Variants in PLEKHA7 observed in about 807,000 individuals in gnomAD.
The protein encoded by PLEKHA7 is pleckstrin homology domain containing A7, also known as pleckstrin homology domain-containing family A member 7.
A neutral mutation model predicts 170.0 loss-of-function variants in PLEKHA7; 104 were observed. That is an observed-to-expected ratio of 0.61 (90% CI 0.52 to 0.72). PLEKHA7 has a LOEUF of 0.72. Ranked by LOEUF, PLEKHA7 falls within the 30% of genes least tolerant of loss-of-function variation. The pLI is 0.00. For synonymous variants in PLEKHA7, 648 were observed against 660.8 expected (o/e 0.98, Z 0.30); for missense variants, 1,615 against 1,671.7 (o/e 0.97, Z 0.59).
chr11:16,838,192 C>A (rs1253679783), intron 9 of PLEKHA7, among the ~76,000 whole-genome samples: 1 of 152,156 alleles, frequency 6.6e-6, no homozygotes, highest in Non-Finnish European at 1.5e-5. Flanking sequence ...TAGATACAGG[C>A]AATTCCCTTA....
At chr11:16,787,250 A>G in intron 23 of PLEKHA7, 1 of 985,152 alleles carries the variant, frequency 1.0e-6, no homozygotes, top group South Asian at 4.7e-5. Context: ...GAGCAAAACC[A>G]AAGCAGATGC....
At position 16,794,496 on chromosome 11, in the gene PLEKHA7, G is replaced by C; in HGVS notation, c.2737C>G (p.Pro913Ala). The C allele has an allele frequency of 6.2e-7, 1 of 1,613,312 alleles. No homozygotes were observed. Among genetic ancestry groups the C allele is most frequent in the Non-Finnish European group, 8.5e-7 (1 of 1,179,576 alleles). Residue 913 changes from proline to alanine, a missense_variant, in exon 19 of 27, where the codon CCC becomes GCC. Transcript: ENST00000531066. Reference sequence around the variant, plus strand: ...TAGTTATCACTACTTACAACTTTGGGCTTCGCCTTAGTTGGTGACTGAAGG... The same window carrying C: ...TAGTTATCACTACTTACAACTTTGGCCTTCGCCTTAGTTGGTGACTGAAGG... Reference protein sequence around the residue: ...SPLQSPTKAKPKVEDEAPPRP... With the variant: ...SPLQSPTKAKAKVEDEAPPRP...
Position 16,922,984 on chromosome 11 carries a change from C to CA in PLEKHA7, c.222-51803dup, listed in dbSNP as rs1202172443. On this transcript the variant is annotated intron_variant, in intron 3 of 26. Transcript: ENST00000531066. ...GGGGAATTTCCAAGCTAGCCCTACT[C>CA]AGTCCTCTGACCTCACAATCCATAG... Among the ~76,000 whole-genome samples the CA allele has an allele frequency of 2.6e-5, 4 of 152,302 alleles. No individual in the cohort carries two copies. In the East Asian group the frequency reaches 7.7e-4, roughly 29 times the overall value.
At chr11:16,957,199 T>C (rs757309883) in intron 3 of PLEKHA7, among the ~76,000 whole-genome samples, 1 of 152,198 alleles carries the variant, frequency 6.6e-6, no homozygotes, top group Non-Finnish European at 1.5e-5. Context: ...CATGTTCTTG[T>C]TAATCTGAGA....
intron 3 of PLEKHA7, among the ~76,000 whole-genome samples, chr11:16,887,006 G>A (rs1438999860): frequency 1.3e-5 from 2 of 152,054 alleles, no homozygotes; most frequent in Non-Finnish European, 2.9e-5. Flanking sequence ...ACCTGTCTTA[G>A]GAGCTATAAC....
rs1847876469 is a variant in PLEKHA7, at chr11:16,791,801, A to G, written c.2746-602T>C. The G allele has an allele frequency of 4.9e-6, 2 of 406,584 alleles. No homozygotes were observed. Among genetic ancestry groups the G allele is most frequent in the Non-Finnish European group, 5.0e-6 (1 of 201,122 alleles). The allele number at this position is 406,584 out of a possible 1,614,324, so 25.2% of individuals were successfully genotyped here. On this transcript the variant is annotated intron_variant, in intron 19 of 26. Coordinates refer to ENST00000531066, the MANE Select transcript of PLEKHA7 (RefSeq NM_001329630.2). This position sits in a 1 kb window ranked among gnomAD's most constrained non-coding sequence, Gnocchi z 4.5. ...GGTCAGGATGAGTGACTCACTGCCT[A>G]CCATGCAGTTCATTCCCTAGAATGT...
At chr11:16,818,211 C>T (rs1849923071) in intron 10 of PLEKHA7, among the ~76,000 whole-genome samples, 1 of 152,196 alleles carries the variant, frequency 6.6e-6, no homozygotes, top group Non-Finnish European at 1.5e-5. Flanking sequence ...GCTTTGTGAC[C>T]CTAGGCAGCT....
At chr11:16,974,243 G>A (rs1315072609) in intron 3 of PLEKHA7, among the ~76,000 whole-genome samples, 1 of 150,656 alleles carries the variant, frequency 6.6e-6, no homozygotes, top group Non-Finnish European at 1.5e-5. Context: ...CTCCAGCCTG[G>A]GTGACAAAGG....
intron 23 of PLEKHA7, chr11:16,788,878 C>T (rs1590119978): frequency 1.6e-6 from 1 of 616,444 alleles, no homozygotes; most frequent in Non-Finnish European, 2.8e-6. Flanking sequence ...GCTCCTGGGC[C>T]TGTTTGATCC....
intron 3 of PLEKHA7, among the ~76,000 whole-genome samples, chr11:16,969,361 G>A (rs1862571608): frequency 6.6e-6 from 1 of 152,146 alleles, no homozygotes; most frequent in South Asian, 2.1e-4. Flanking sequence ...AGTTTAAGAG[G>A]AGAGAGAGAA....
Position 16,777,385 on chromosome 11 carries a change from A to AT in PLEKHA7, c.*1612dup. On this transcript the variant is annotated 3_prime_UTR_variant, in exon 27 of 27. Transcript: ENST00000531066. The stretch of plus-strand genomic sequence containing the variant: ...CTTTTTCTTGCAAAATATTCATTTC[A>AT]TTTTTTCCAAGAAAATCTTATAAAG... 1 of 152,222 alleles carries AT rather than the reference A, an allele frequency of 6.6e-6. No individual in the cohort carries two copies. Among genetic ancestry groups the AT allele is most frequent in the East Asian group, 1.9e-4 (1 of 5,188 alleles). The allele number at this position is 152,222 out of a possible 1,614,324, so 9.4% of individuals were successfully genotyped here. A position where few individuals can be genotyped will look rare whatever the true frequency, so the allele number is the denominator to read the frequency against.
chr11:16,873,543 C>T (rs987490960), intron 3 of PLEKHA7, among the ~76,000 whole-genome samples: 1 of 152,154 alleles, frequency 6.6e-6, no homozygotes, highest in Admixed American at 6.5e-5. Flanking sequence ...GACTAGTCTT[C>T]CCAAAAAAGC....
intron 17 of PLEKHA7, among the ~76,000 whole-genome samples, chr11:16,796,822 GTTTTTC>G (rs1255186559): frequency 2.6e-5 from 4 of 151,946 alleles, no homozygotes; most frequent in East Asian, 1.9e-4. Context: ...TGCCTGGCTA[GTTTTTC>G]TTTTTCTTTT....
chr11:16,902,150 C>T (rs937204035), intron 3 of PLEKHA7, among the ~76,000 whole-genome samples: 6 of 152,150 alleles, frequency 3.9e-5, no homozygotes, highest in African/African-American at 1.4e-4. Flanking sequence ...TTCATTGTTG[C>T]GTTCTTGTTG....
chr11:16,858,519 T>G (rs368054149), intron 4 of PLEKHA7, among the ~76,000 whole-genome samples: 1 of 150,440 alleles, frequency 6.6e-6, no homozygotes, highest in African/African-American at 2.4e-5. Flanking sequence ...TGAGACGGAG[T>G]TTCGCTCTTG....
chr11:16,797,580 ACT>A (rs1171506311), intron 17 of PLEKHA7, among the ~76,000 whole-genome samples: 1 of 151,962 alleles, frequency 6.6e-6, no homozygotes, highest in South Asian at 2.1e-4. Flanking sequence ...CACAGTTCTC[ACT>A]CTCTCTCTCA....
intron 3 of PLEKHA7, among the ~76,000 whole-genome samples, chr11:17,007,870 C>T (rs1010505290): frequency 6.6e-6 from 1 of 152,128 alleles, no homozygotes; most frequent in African/African-American, 2.4e-5. Flanking sequence ...CCACCACGCC[C>T]GGCCTAAAGA....
At chr11:16,782,334 C>G (rs1278923017) in intron 26 of PLEKHA7, among the ~76,000 whole-genome samples, 1 of 152,154 alleles carries the variant, frequency 6.6e-6, no homozygotes. Context: ...GCAGGAGGGG[C>G]CCCCTTCTGC....
At chr11:16,838,018 A>G (rs1023355711) in intron 9 of PLEKHA7, among the ~76,000 whole-genome samples, 4 of 152,202 alleles carry the variant, frequency 2.6e-5, no homozygotes, top group Non-Finnish European at 5.9e-5. Flanking sequence ...AGAAACTGGC[A>G]AACAGCATTC....
Sources: allele counts gnomAD v4.1 joint callset (sites outside exome capture counted in the v4.1 genomes callset), GRCh38; gene constraint gnomAD v4.1.1; non-coding constraint Gnocchi (gnomAD v3.1); transcripts MANE v1.5; gene names NCBI Gene and HGNC (gene_info 2026-07-23, HGNC 2026-07-21).